Variants in GDPD4 observed in about 807,000 individuals in gnomAD.
GDPD4 encodes the protein glycerophosphodiester phosphodiesterase 6.
A neutral mutation model predicts 67.8 loss-of-function variants in GDPD4; 60 were observed. The observed-to-expected ratio is 0.88, with a 90% CI of 0.72 to 1.10. The LOEUF (loss-of-function observed/expected upper bound fraction) is 1.10, where lower values mean the gene tolerates loss of function less well. GDPD4 is among the 50% of genes least tolerant of loss of function. GDPD4 has a pLI of 0.00. For synonymous variants in GDPD4, 212 were observed against 210.9 expected, an observed-to-expected ratio of 1.00 and a Z score of -0.04; for missense variants, 623 against 613.9, an observed-to-expected ratio of 1.01 and a Z score of -0.16.
In GDPD4 at chr11:77,286,687, C is replaced by A. The variant is rs1488654676; in HGVS notation, c.-51+531G>T. ...CATGTAGCTCACCAAAGGGTTCCAA[C>A]ATATGGCTTACAAATAGAGGCCCTA... is the stretch of plus-strand genomic sequence containing the variant. On this transcript the variant is annotated intron_variant, in intron 2 of 16. Transcript: ENST00000315938. 2.0e-5 allele frequency among the ~76,000 whole-genome samples: 3 copies of A among 152,214 alleles called. 1 individual carries two copies. The highest frequency in any genetic ancestry group is 2.0e-4 in the Admixed American group (3 of 15,286).
At chr11:77,289,396 A>G (rs12792615) in intron 1 of GDPD4, among the ~76,000 whole-genome samples, 148,082 of 151,020 alleles carry the variant, frequency 0.98, 72,820 homozygotes, top group Middle Eastern at 1. Context: ...AAAGGAGGGA[A>G]GACGGAAAGA....
chr11:77,222,445 T>G (rs985977329), intron 16 of GDPD4, among the ~76,000 whole-genome samples: 1 of 152,190 alleles, frequency 6.6e-6, no homozygotes, highest in Non-Finnish European at 1.5e-5. Context: ...AGCATTTGCT[T>G]GTCTGTAAAG....
At chr11:77,217,494 A>G (rs1474419626) in intron 16 of GDPD4, among the ~76,000 whole-genome samples, 180 bp from the exon 17 acceptor site, 3 of 127,032 alleles carry the variant, frequency 2.4e-5, no homozygotes, top group African/African-American at 8.8e-5. Flanking sequence ...CCTCCAATTC[A>G]GCCTGGGGCT....
At chr11:77,262,287 C>G (rs1221030349) in intron 10 of GDPD4, among the ~76,000 whole-genome samples, 1 of 152,146 alleles carries the variant, frequency 6.6e-6, no homozygotes, top group African/African-American at 2.4e-5. Flanking sequence ...TTATGGTACC[C>G]TTGACCCCTG....
intron 13 of GDPD4, among the ~76,000 whole-genome samples, chr11:77,234,818 GTATCTTTT>G (rs1958519870): frequency 6.6e-6 from 1 of 152,094 alleles, no homozygotes; most frequent in Non-Finnish European, 1.5e-5. Context: ...ACAAGTGCAG[GTATCTTTT>G]TAGTAGAACA....
At chr11:77,288,067 T>G (rs1046187075) in intron 1 of GDPD4, among the ~76,000 whole-genome samples, 2 of 152,136 alleles carry the variant, frequency 1.3e-5, no homozygotes, top group Non-Finnish European at 2.9e-5. Context: ...GTGTACATCA[T>G]CAAGGAGCCT....
At chr11:77,260,907 C>A (rs561086092) in intron 10 of GDPD4, among the ~76,000 whole-genome samples, 2 of 152,096 alleles carry the variant, frequency 1.3e-5, no homozygotes, top group Admixed American at 1.3e-4. Flanking sequence ...GCATCAGTGA[C>A]CTGTAAGGCA....
At chr11:77,245,215 C>A in intron 12 of GDPD4, 66 bp downstream of exon 12, 1 of 1,206,152 alleles carries the variant, frequency 8.3e-7, no homozygotes, top group Non-Finnish European at 1.2e-6. Context: ...TCAAGTTCAA[C>A]TACTGTGCTC....
chr11:77,219,603 C>T lies in GDPD4; in HGVS notation c.1526-2289G>A, dbSNP rs574978608. ...TTTCAGCTTTCTACATATGGCTAGC[C>T]AGTTTTCCCAGCACCATTTATTAAA... On this transcript the variant is annotated intron_variant, in intron 16 of 16. Transcript: ENST00000315938. Among the ~76,000 whole-genome samples, 5 of 152,312 alleles carry T rather than the reference C, an allele frequency of 3.3e-5. No individual in the cohort carries two copies. In the South Asian group the frequency reaches 1.0e-3, roughly 32 times the overall value.
At chr11:77,227,828 T>G in intron 16 of GDPD4, 36 bp downstream of exon 16, 1 of 1,519,958 alleles carries the variant, frequency 6.6e-7, no homozygotes, top group Non-Finnish European at 9.1e-7. Flanking sequence ...TGGGTAGGGA[T>G]GAAGAGACAG....
intron 2 of GDPD4, 136 bp from the exon 3 acceptor site, chr11:77,285,323 T>C: frequency 1.7e-6 from 1 of 584,726 alleles, no homozygotes; most frequent in Non-Finnish European, 3.0e-6. Context: ...GATCACTCTC[T>C]TCTTTTTACC....
chr11:77,242,765 G>A (rs1292661828), intron 13 of GDPD4, among the ~76,000 whole-genome samples: 1 of 151,776 alleles, frequency 6.6e-6, no homozygotes, highest in African/African-American at 2.4e-5. Flanking sequence ...CTTCTGAATG[G>A]GAATTAGAGA....
chr11:77,225,111 A>G (rs1279975383), intron 16 of GDPD4, among the ~76,000 whole-genome samples: 1 of 152,054 alleles, frequency 6.6e-6, no homozygotes, highest in Admixed American at 6.6e-5. Context: ...CCTCTAAACA[A>G]GCAAAACAAA....
intron 8 of GDPD4, 38 bp from the exon 9 acceptor site, chr11:77,269,107 G>C: frequency 1.3e-6 from 2 of 1,595,308 alleles, no homozygotes; most frequent in Non-Finnish European, 1.7e-6. Context: ...GGGGGAAAAA[G>C]AGATAAAGAG....
intron 2 of GDPD4, chr11:77,286,921 C>G (rs1279389646): frequency 6.6e-6 from 1 of 152,168 alleles, no homozygotes; most frequent in Non-Finnish European, 1.5e-5. Context: ...ACCCAAACAT[C>G]ACTTTTTCTT....
chr11:77,221,819 A>G (rs1218629023), intron 16 of GDPD4, among the ~76,000 whole-genome samples: 3 of 150,470 alleles, frequency 2.0e-5, no homozygotes, highest in African/African-American at 4.9e-5. Context: ...TCTGTCTAAT[A>G]TTGACAGTGG....
intron 3 of GDPD4, among the ~76,000 whole-genome samples, chr11:77,280,589 C>G (rs1053190760): frequency 1.1e-4 from 16 of 152,132 alleles, no homozygotes; most frequent in Non-Finnish European, 2.2e-4. Flanking sequence ...TTTTACTGGT[C>G]ACATTGATAT....
At chr11:77,265,543 A>C (rs1301035929) in intron 10 of GDPD4, among the ~76,000 whole-genome samples, 2 of 152,186 alleles carry the variant, frequency 1.3e-5, no homozygotes, top group African/African-American at 4.8e-5. Flanking sequence ...ATATACCCTT[A>C]GCCCATTTCC....
At position 77,227,858 on chromosome 11, in the gene GDPD4, CTT is replaced by C. The variant is rs771140337; in HGVS notation, c.1525+4_1525+5del. On this transcript the variant is annotated splice_donor_5th_base_variant and intron_variant, in intron 16 of 16. Coordinates refer to ENST00000315938, the MANE Select transcript of GDPD4 (RefSeq NM_182833.3). Reference sequence around the variant, plus strand: ...AGACAGGAGTGGGCTAGGCCTCTGACTTTACCTGTGCGAGTGCTGGAGGTTTC... The same window carrying C: ...AGACAGGAGTGGGCTAGGCCTCTGACTACCTGTGCGAGTGCTGGAGGTTTC... 6.2e-7 allele frequency: 1 copy of C among 1,610,928 alleles called. No homozygotes were observed. The highest frequency in any genetic ancestry group is 8.5e-7 in the Non-Finnish European group (1 of 1,177,332).
Sources: allele counts gnomAD v4.1 joint callset (sites outside exome capture counted in the v4.1 genomes callset), GRCh38; gene constraint gnomAD v4.1.1; transcripts MANE v1.5; gene names NCBI Gene and HGNC (gene_info 2026-07-23, HGNC 2026-07-21).